Variants in NTRK2 observed in about 807,000 individuals in gnomAD.
NTRK2 encodes the protein BDNF/NT-3 growth factors receptor.
NTRK2 carries 13 observed loss-of-function variants against 94.5 expected under a neutral mutation model. That is an observed-to-expected ratio of 0.14 (90% confidence interval 0.09 to 0.22). The LOEUF (loss-of-function observed/expected upper bound fraction) is 0.22, where lower values mean the gene tolerates loss of function less well. Among genes scored for constraint, NTRK2 ranks in the 10% least tolerant of loss-of-function variants. The probability of loss-of-function intolerance (pLI) is 1.00; values close to 1 mark genes in which losing one functional copy is unlikely to be tolerated. For synonymous variants in NTRK2, 372 were observed against 407.4 expected (o/e 0.91, Z 1.05); for missense variants, 639 against 1,071.2 (o/e 0.60, Z 5.63).
chr9:84,698,301 A>G (rs1024938564), intron 2 of NTRK2, among the ~76,000 whole-genome samples: 1 of 152,090 alleles, frequency 6.6e-6, no homozygotes, highest in African/African-American at 2.4e-5. Flanking sequence ...ACATGTACGT[A>G]TCAGTATACA....
chr9:84,809,053 A>G (rs1338528557), intron 12 of NTRK2, among the ~76,000 whole-genome samples: 1 of 152,218 alleles, frequency 6.6e-6, no homozygotes, highest in African/African-American at 2.4e-5. Flanking sequence ...AATTAAACAC[A>G]GTATTATGTA....
intron 17 of NTRK2, among the ~76,000 whole-genome samples, chr9:84,995,698 T>C (rs1186675247): frequency 2.0e-5 from 3 of 152,172 alleles, no homozygotes; most frequent in African/African-American, 7.2e-5. Flanking sequence ...ACTACATATA[T>C]AAAGAACTAG....
chr9:84,673,727 G>T (rs1405262517), intron 2 of NTRK2, among the ~76,000 whole-genome samples: 2 of 151,976 alleles, frequency 1.3e-5, no homozygotes, highest in Non-Finnish European at 2.9e-5. Context: ...TTTCAGCTAA[G>T]CTGACATTTT....
intron 12 of NTRK2, among the ~76,000 whole-genome samples, chr9:84,767,717 TC>T (rs906395991): frequency 1.6e-4 from 25 of 152,206 alleles, no homozygotes; most frequent in African/African-American, 6.0e-4. Flanking sequence ...CCCACATATT[TC>T]CCCATACTAC....
intron 14 of NTRK2, among the ~76,000 whole-genome samples, chr9:84,902,366 A>G (rs1216181795): frequency 6.6e-6 from 1 of 152,086 alleles, no homozygotes; most frequent in Non-Finnish European, 1.5e-5. Context: ...ATGCTGTAAG[A>G]ATGTGAGAAT....
chr9:84,911,186 T>G (rs544540066), intron 14 of NTRK2, among the ~76,000 whole-genome samples: 9 of 152,332 alleles, frequency 5.9e-5, no homozygotes, highest in East Asian at 5.8e-4. Context: ...GATATATTGC[T>G]AAATTCTATT....
intron 15 of NTRK2, among the ~76,000 whole-genome samples, chr9:84,944,211 T>TCACACACACACACACA (rs1226529948): frequency 1.2e-4 from 16 of 139,036 alleles, no homozygotes; most frequent in African/African-American, 4.0e-4. Flanking sequence ...TCTCTCTCTC[T>TCACACACACACACACA]CTCTCACACA....
At chr9:84,900,107 T>C (rs958115602) in intron 14 of NTRK2, among the ~76,000 whole-genome samples, 2 of 152,186 alleles carry the variant, frequency 1.3e-5, no homozygotes, top group Non-Finnish European at 2.9e-5. Flanking sequence ...TGACACCAAA[T>C]GCACTGATTC....
At chr9:84,857,753 C>T (rs945230125) in intron 12 of NTRK2, among the ~76,000 whole-genome samples, 2 of 152,102 alleles carry the variant, frequency 1.3e-5, no homozygotes, top group Non-Finnish European at 2.9e-5. Flanking sequence ...TCATTTGTGC[C>T]TATAAGACAG....
Position 84,751,980 on chromosome 9 carries a change from C to A in NTRK2, c.1297-6C>A. Reference sequence around the variant, plus strand: ...GGTTATAACCACCCTCCCTTCCTTTCTCTAGGTCTATGCTGTGGTGGTGAT... The same window carrying A: ...GGTTATAACCACCCTCCCTTCCTTTATCTAGGTCTATGCTGTGGTGGTGAT... On this transcript the variant is annotated splice_region_variant and splice_polypyrimidine_tract_variant and intron_variant, in intron 11 of 18. Transcript: ENST00000277120. 6.2e-7 allele frequency: 1 copy of A among 1,613,198 alleles called. No individual in the cohort carries two copies. Among genetic ancestry groups the A allele is most frequent in the Non-Finnish European group, 8.5e-7 (1 of 1,179,212 alleles).
chr9:84,966,198 G>T (rs1190733777), intron 17 of NTRK2, among the ~76,000 whole-genome samples: 1 of 152,128 alleles, frequency 6.6e-6, no homozygotes, highest in Non-Finnish European at 1.5e-5. Flanking sequence ...TGCTGATGGA[G>T]GCATGGAAGT....
chr9:84,889,135 C>CAT (rs1564435574), intron 14 of NTRK2, among the ~76,000 whole-genome samples: 1 of 149,248 alleles, frequency 6.7e-6, no homozygotes, highest in African/African-American at 2.5e-5. Context: ...GGACTACAGG[C>CAT]GCCCGCTACC....
At chr9:84,760,489 T>A (rs1340686417) in intron 12 of NTRK2, among the ~76,000 whole-genome samples, 2 of 152,176 alleles carry the variant, frequency 1.3e-5, no homozygotes, top group Non-Finnish European at 2.9e-5. Context: ...TAGAAAAAAA[T>A]TGTAATTACA....
At chr9:84,787,161 G>A (rs994519860) in intron 12 of NTRK2, among the ~76,000 whole-genome samples, 1 of 152,058 alleles carries the variant, frequency 6.6e-6, no homozygotes, top group African/African-American at 2.4e-5. Flanking sequence ...GGCCAGGCGT[G>A]GTGGCAGGCA....
At chr9:84,883,322 G>C (rs894297519) in intron 14 of NTRK2, among the ~76,000 whole-genome samples, 1 of 152,174 alleles carries the variant, frequency 6.6e-6, no homozygotes, top group South Asian at 2.1e-4. Flanking sequence ...TTGGTTGCTG[G>C]TAAGTTTTTT....
chr9:84,737,318 C>T (rs1372217780), intron 9 of NTRK2, among the ~76,000 whole-genome samples: 2 of 152,066 alleles, frequency 1.3e-5, no homozygotes, highest in Non-Finnish European at 2.9e-5. Context: ...AGAGTCTTAA[C>T]AGTTGAAATG....
chr9:84,746,522 A>T lies in NTRK2; in HGVS notation c.1296+1449A>T, dbSNP rs140086738. ...GTGATCTTTGTAAAGTGCAGATCAG[A>T]TCATTTTTTTTGTTGTTATAATTCT... On this transcript the variant is annotated intron_variant, in intron 11 of 18. Coordinates refer to ENST00000277120, the MANE Select transcript of NTRK2 (RefSeq NM_006180.6). 9.6e-4 allele frequency among the ~76,000 whole-genome samples: 146 copies of T among 151,946 alleles called. 1 individual carries two copies. Among genetic ancestry groups the T allele is most frequent in the African/African-American group, 3.4e-3 (143 of 41,530 alleles).
At chr9:84,947,081 G>A (rs1489824669) in intron 15 of NTRK2, among the ~76,000 whole-genome samples, 4 of 151,978 alleles carry the variant, frequency 2.6e-5, no homozygotes, top group East Asian at 3.9e-4. Context: ...TCAGCCTCCC[G>A]AGTATCTGGA....
chr9:84,800,943 A>G (rs1395328432), intron 12 of NTRK2, among the ~76,000 whole-genome samples: 1 of 152,168 alleles, frequency 6.6e-6, no homozygotes, highest in African/African-American at 2.4e-5. Context: ...GGAATTTTTG[A>G]GCAAAGTTCC....
Sources: allele counts gnomAD v4.1 joint callset (sites outside exome capture counted in the v4.1 genomes callset), GRCh38; gene constraint gnomAD v4.1.1; transcripts MANE v1.5; gene names NCBI Gene and HGNC (gene_info 2026-07-23, HGNC 2026-07-21).